Variants in COL17A1 observed in about 807,000 individuals in gnomAD.
COL17A1 encodes the protein collagen alpha-1(XVII) chain.
In COL17A1, 181 loss-of-function variants were observed where a neutral mutation model predicts 218.4. The ratio of observed to expected loss-of-function variants is 0.83; its 90% confidence interval spans 0.73 to 0.94. The LOEUF (loss-of-function observed/expected upper bound fraction) is 0.94, where lower values mean the gene tolerates loss of function less well. Among genes scored for constraint, COL17A1 ranks in the 40% least tolerant of loss-of-function variants. The pLI is 0.00. For missense variants in COL17A1, 1,924 were observed against 1,945.9 expected (o/e 0.99, Z 0.21); for synonymous variants, 721 against 731.0 (o/e 0.99, Z 0.22).
intron 50 of COL17A1, 21 bp downstream of exon 50, chr10:104,035,242 T>C: frequency 6.3e-7 from 1 of 1,599,294 alleles, no homozygotes; most frequent in Non-Finnish European, 8.6e-7. Context: ...GCCCTCCCCA[T>C]CCCACTCCAC....
At chr10:104,048,286 A>G in intron 29 of COL17A1, 182 bp from the exon 30 acceptor site, 1 of 764,558 alleles carries the variant, frequency 1.3e-6, no homozygotes, top group Non-Finnish European at 2.4e-6. Flanking sequence ...CTTCTCCTAA[A>G]CCAGCAATTG....
chr10:104,067,057 AAG>A (rs1589573821), intron 9 of COL17A1, among the ~76,000 whole-genome samples: 1 of 152,180 alleles, frequency 6.6e-6, no homozygotes. Context: ...TTTATTGAGG[AAG>A]AGAGGGGAAT....
At chr10:104,045,715 T>C (rs368475087) in intron 33 of COL17A1, 43 bp downstream of exon 33, 17 of 1,533,994 alleles carry the variant, frequency 1.1e-5, no homozygotes, top group Middle Eastern at 3.4e-4. Flanking sequence ...TCCACAAAAA[T>C]GGCCAGTGAA....
chr10:104,038,913 C>A (rs749651445), intron 44 of COL17A1, among the ~76,000 whole-genome samples, 158 bp downstream of exon 44: 43 of 152,184 alleles, frequency 2.8e-4, no homozygotes, highest in Non-Finnish European at 4.6e-4. Flanking sequence ...CTCGTAACCT[C>A]CTTAAAGGCA....
intron 17 of COL17A1, 106 bp from the exon 18 acceptor site, chr10:104,056,109 G>C (rs1308530061): frequency 7.7e-7 from 1 of 1,306,064 alleles, no homozygotes; most frequent in Non-Finnish European, 1.1e-6. Context: ...GCCTGTGGTG[G>C]CTTCTTCATG....
At position 104,055,047 on chromosome 10, in the gene COL17A1, G is replaced by A. The variant is rs748945704; in HGVS notation, c.1718-40C>T. 1.9e-6 allele frequency: 3 copies of A among 1,613,570 alleles called. No homozygotes were observed. In the South Asian group the frequency reaches 3.3e-5, roughly 18 times the overall value. The stretch of plus-strand genomic sequence containing the variant: ...ATATGAAAACTGTGAGATGGGGCAA[G>A]AACCCAAAGGCCATACTCTGCCTTG... On this transcript the variant is annotated intron_variant, in intron 19 of 55. Coordinates refer to ENST00000648076, the MANE Select transcript of COL17A1 (RefSeq NM_000494.4).
At chr10:104,079,260 G>C (rs749141930) in intron 2 of COL17A1, among the ~76,000 whole-genome samples, 1 of 152,140 alleles carries the variant, frequency 6.6e-6, no homozygotes, top group Non-Finnish European at 1.5e-5. Context: ...TGCTCTGACT[G>C]TGGCCCTCAG....
chr10:104,057,385 G>A (rs73329754), intron 16 of COL17A1, among the ~76,000 whole-genome samples: 1,667 of 142,530 alleles, frequency 0.012, 35 homozygotes, highest in African/African-American at 0.039. Flanking sequence ...GGCTCCAGCT[G>A]TGTGAACCTG....
chr10:104,064,313 T>G, intron 10 of COL17A1, 125 bp downstream of exon 10: 1 of 1,492,672 alleles, frequency 6.7e-7, no homozygotes, highest in South Asian at 1.2e-5. Context: ...TCCTGGGATG[T>G]TTGGCCACAG....
At chr10:104,080,994 T>G (rs1805770264) in intron 1 of COL17A1, among the ~76,000 whole-genome samples, 1 of 152,230 alleles carries the variant, frequency 6.6e-6, no homozygotes, top group Admixed American at 6.5e-5. Context: ...GACCTTTGTT[T>G]GACTATAAAA....
intron 36 of COL17A1, 92 bp downstream of exon 36, chr10:104,042,328 G>T (rs1404567185): frequency 7.2e-7 from 1 of 1,387,556 alleles, no homozygotes; most frequent in Non-Finnish European, 1.0e-6. Context: ...CACCTTTCAC[G>T]TCATCTAGAA....
chr10:104,064,711 A>G, intron 9 of COL17A1, 115 bp from the exon 10 acceptor site: 2 of 991,560 alleles, frequency 2.0e-6, no homozygotes, highest in Non-Finnish European at 3.1e-6. Flanking sequence ...AAAGCCCCAC[A>G]TTTCAGGAAC....
intron 51 of COL17A1, 53 bp downstream of exon 51, chr10:104,034,568 G>A: frequency 6.3e-7 from 1 of 1,588,360 alleles, no homozygotes; most frequent in Middle Eastern, 1.7e-4. Context: ...CACTTACAGG[G>A]AAAAGCAAGG....
intron 20 of COL17A1, 78 bp from the exon 21 acceptor site, chr10:104,054,196 T>G: frequency 1.3e-6 from 2 of 1,491,668 alleles, no homozygotes; most frequent in Non-Finnish European, 1.8e-6. Context: ...CTAGTGGGAT[T>G]CAGGTAGGGT....
At chr10:104,049,289 T>C in intron 29 of COL17A1, 120 bp downstream of exon 29, 1 of 889,890 alleles carries the variant, frequency 1.1e-6, no homozygotes, top group South Asian at 1.4e-5. Context: ...CAAGGGAGAC[T>C]CTACCAGGAG....
chr10:104,084,579 G>A (rs1204553491), intron 1 of COL17A1, among the ~76,000 whole-genome samples: 1 of 152,152 alleles, frequency 6.6e-6, no homozygotes, highest in East Asian at 1.9e-4. Flanking sequence ...TTTTTGTAGA[G>A]TCAGGGTTTT....
At chr10:104,066,625 A>G (rs939968282) in intron 9 of COL17A1, among the ~76,000 whole-genome samples, 3 of 152,366 alleles carry the variant, frequency 2.0e-5, no homozygotes, top group South Asian at 2.1e-4. Context: ...AAGCTCTGGA[A>G]TCCCATAACA....
intron 2 of COL17A1, among the ~76,000 whole-genome samples, chr10:104,079,109 G>A (rs1012872626): frequency 4.6e-5 from 7 of 152,214 alleles, no homozygotes; most frequent in African/African-American, 1.7e-4. Flanking sequence ...TTGTGGGAAG[G>A]AAGGGTGCTC....
chr10:104,036,677 G>A (rs747734713), intron 47 of COL17A1, 45 bp from the exon 48 acceptor site: 2 of 1,608,488 alleles, frequency 1.2e-6, no homozygotes, highest in East Asian at 4.5e-5. Flanking sequence ...CAGGCCATGG[G>A]GGTCGCAGCC....
Sources: allele counts gnomAD v4.1 joint callset (sites outside exome capture counted in the v4.1 genomes callset), GRCh38; gene constraint gnomAD v4.1.1; transcripts MANE v1.5; gene names NCBI Gene and HGNC (gene_info 2026-07-23, HGNC 2026-07-21).